Variants in LCP2 observed in about 807,000 individuals in gnomAD.
LCP2 encodes the protein 76 kDa tyrosine phosphoprotein.
In LCP2, 29 loss-of-function variants were observed where a neutral mutation model predicts 74.5. That is an observed-to-expected ratio of 0.39 (90% CI 0.29 to 0.53). The LOEUF is 0.53. LCP2 is among the 20% of genes least tolerant of loss of function. The pLI, the probability that LCP2 is intolerant of heterozygous loss-of-function variation, is 0.72. For synonymous variants in LCP2, 228 were observed against 229.5 expected (o/e 0.99, Z 0.06); for missense variants, 604 against 634.6 (o/e 0.95, Z 0.52).
At chr5:170,292,023 A>G (rs1022750099) in intron 2 of LCP2, among the ~76,000 whole-genome samples, 1 of 152,208 alleles carries the variant, frequency 6.6e-6, no homozygotes, top group African/African-American at 2.4e-5. Flanking sequence ...AACAAATCAC[A>G]TCACAGCTCT....
At chr5:170,277,296 G>C (rs1328837228) in intron 3 of LCP2, among the ~76,000 whole-genome samples, 1 of 152,084 alleles carries the variant, frequency 6.6e-6, no homozygotes, top group African/African-American at 2.4e-5. Flanking sequence ...TATGAGAACG[G>C]CTCATGATCT....
Position 170,275,792 on chromosome 5 carries a change from C to T in LCP2, c.254+3G>A, listed in dbSNP as rs1219216631. 1 of 1,577,000 alleles carries T rather than the reference C, an allele frequency of 6.3e-7. No homozygotes were observed. Among genetic ancestry groups the T allele is most frequent in the Non-Finnish European group, 8.6e-7 (1 of 1,158,884 alleles). ...TGCGTTTCCTTACACCAGCCGCACT[C>T]ACTTGCGTGTGAAGATGCTCCTCCT... On this transcript the variant is annotated splice_donor_region_variant and intron_variant, in intron 4 of 20. Coordinates refer to ENST00000046794, the MANE Select transcript of LCP2 (RefSeq NM_005565.5).
intron 3 of LCP2, among the ~76,000 whole-genome samples, chr5:170,282,463 C>T (rs1255038352): frequency 6.6e-6 from 1 of 152,186 alleles, no homozygotes; most frequent in Non-Finnish European, 1.5e-5. Flanking sequence ...GAAGCTGAGG[C>T]TCTGATTGCC....
chr5:170,265,617 C>T (rs904401202), intron 10 of LCP2, among the ~76,000 whole-genome samples: 4 of 152,148 alleles, frequency 2.6e-5, no homozygotes, highest in African/African-American at 4.8e-5. Context: ...ATACAGCTCT[C>T]TACAGCAGAC....
chr5:170,271,547 T>A (rs561470027), intron 6 of LCP2, among the ~76,000 whole-genome samples: 37 of 152,326 alleles, frequency 2.4e-4, no homozygotes, highest in African/African-American at 7.7e-4. Flanking sequence ...GAAGCTGTTC[T>A]CTTGGAAAGA....
At chr5:170,257,229 C>T (rs1455163461) in intron 16 of LCP2, among the ~76,000 whole-genome samples, 1 of 152,124 alleles carries the variant, frequency 6.6e-6, no homozygotes, top group Admixed American at 6.5e-5. Context: ...GGGGTTGGGG[C>T]TAGCATGGAG....
chr5:170,267,117 C>T (rs1455705596), intron 8 of LCP2, 42 bp from the exon 9 acceptor site: 1 of 1,599,932 alleles, frequency 6.3e-7, no homozygotes, highest in African/African-American at 1.3e-5. Flanking sequence ...TCCAATACAT[C>T]AGCAAGAGCC....
At chr5:170,270,640 G>T in intron 7 of LCP2, 79 bp downstream of exon 7, 1 of 1,301,370 alleles carries the variant, frequency 7.7e-7, no homozygotes, top group Non-Finnish European at 1.0e-6. Flanking sequence ...GGGCAAGCTG[G>T]GGCATCAGCC....
intron 8 of LCP2, 102 bp from the exon 9 acceptor site, chr5:170,267,177 T>C: frequency 8.6e-7 from 1 of 1,164,460 alleles, no homozygotes. Context: ...CATCTTCATG[T>C]TCTGCCTACA....
rs1561963572 is a variant in LCP2 at position 170,247,866 on chromosome 5, G to C, written c.*831C>G. 1 of 152,288 alleles carries C rather than the reference G, an allele frequency of 6.6e-6. No individual in the cohort carries two copies. The highest frequency in any genetic ancestry group is 1.5e-5 in the Non-Finnish European group (1 of 68,064). The allele number at this position is 152,288 out of a possible 1,614,324, so 9.4% of individuals were successfully genotyped here. On this transcript the variant is annotated 3_prime_UTR_variant, in exon 21 of 21. Coordinates refer to ENST00000046794, the MANE Select transcript of LCP2 (RefSeq NM_005565.5). ...ATGCTTTTGGGGTTGGGAGAAGGTTGGTGGGGGGCTGTGATGGTTGGTGTG... is the reference window on the plus strand; with the variant it reads ...ATGCTTTTGGGGTTGGGAGAAGGTTCGTGGGGGGCTGTGATGGTTGGTGTG...
chr5:170,268,479 C>A lies in LCP2; in HGVS notation c.527G>T (p.Arg176Leu). The change falls in exon 8 of 21, where the codon CGG becomes CTG. Residue 176 changes from arginine to leucine, a missense_variant. Coordinates refer to ENST00000046794, the MANE Select transcript of LCP2 (RefSeq NM_005565.5). ...CTGGGGGGTTTTCCCAGAGGGGGGC[C>A]GGTCTGTGGAAACACAAGGTTATTA... ...FPNSNSMYID[R>L]PPSGKTPQQP... 1 of 278,194 alleles carries A rather than the reference C, an allele frequency of 3.6e-6. No individual in the cohort carries two copies. The allele number at this position is 278,194 out of a possible 1,614,324, so 17.2% of individuals were successfully genotyped here.
At chr5:170,257,995 A>G (rs762286564) in intron 16 of LCP2, 42 bp downstream of exon 16, 39 of 1,603,848 alleles carry the variant, frequency 2.4e-5, no homozygotes, top group Non-Finnish European at 3.0e-5. Flanking sequence ...GGATGGACCT[A>G]AACATTATAT....
Position 170,264,978 on chromosome 5 carries a change from CTTTTTTTTTTT to C in LCP2, c.772+1819_772+1829del, listed in dbSNP as rs58508083. Among the ~76,000 whole-genome samples the C allele has an allele frequency of 4.1e-3, 444 of 108,992 alleles. 6 individuals carry two copies. The highest frequency in any genetic ancestry group is 8.5e-3 in the African/African-American group (208 of 24,386). The allele number at this position is 108,992 out of a possible 152,430, so 71.5% of individuals were successfully genotyped here. On this transcript the variant is annotated intron_variant, in intron 10 of 20. Coordinates refer to ENST00000046794, the MANE Select transcript of LCP2 (RefSeq NM_005565.5). ...CCTGAATAAGTATTTCAAAATTTGCCTTTTTTTTTTTTTTTTTTTTTTTTTTTGAGACAGAG... is the reference window on the plus strand; with the variant it reads ...CCTGAATAAGTATTTCAAAATTTGCCTTTTTTTTTTTTTTTTGAGACAGAG...
rs576491831 is a variant in LCP2 at position 170,287,963 on chromosome 5, T to C, written c.188+7A>G. 3 of 1,613,318 alleles carry C rather than the reference T, an allele frequency of 1.9e-6. No homozygotes were observed. The highest frequency in any genetic ancestry group is 4.5e-5 in the East Asian group (2 of 44,868). On this transcript the variant is annotated splice_region_variant and intron_variant, in intron 3 of 20. Transcript: ENST00000046794. ...CAGATCACCCATAGAGTTGGAGGAG[T>C]ACTTACGGCACCCGGAGCTTGGGGA...
At chr5:170,288,823 C>A (rs1009416401) in intron 2 of LCP2, among the ~76,000 whole-genome samples, 1 of 152,132 alleles carries the variant, frequency 6.6e-6, no homozygotes, top group Non-Finnish European at 1.5e-5. Flanking sequence ...ATCCTTTTGA[C>A]GGCCCCTGTG....
intron 15 of LCP2, chr5:170,258,504 A>G (rs756013601): frequency 5.7e-6 from 2 of 348,224 alleles, no homozygotes; most frequent in African/African-American, 2.1e-5. Flanking sequence ...GTTTTGTTTT[A>G]TGAAAGTCAA....
intron 6 of LCP2, among the ~76,000 whole-genome samples, chr5:170,272,607 T>C (rs1338991262): frequency 9.9e-6 from 1 of 100,928 alleles, no homozygotes; most frequent in Non-Finnish European, 1.8e-5. Flanking sequence ...CTTTTTTTTT[T>C]TTTTTTTTTT....
At position 170,247,498 on chromosome 5, in the gene LCP2, G is replaced by A. The variant is rs1435918087; in HGVS notation, c.*1199C>T. On this transcript the variant is annotated 3_prime_UTR_variant, in exon 21 of 21. Coordinates refer to ENST00000046794, the MANE Select transcript of LCP2 (RefSeq NM_005565.5). ...TTAAGCAGAGACGCCAAAAATTGTT[G>A]CTAATAAAAGTTGTGCAATAACAAC... The A allele has an allele frequency of 6.6e-6, 1 of 152,156 alleles. No homozygotes were observed. The highest frequency in any genetic ancestry group is 2.4e-5 in the African/African-American group (1 of 41,434). The allele number at this position is 152,156 out of a possible 1,614,324, so 9.4% of individuals were successfully genotyped here.
At chr5:170,284,753 CTTT>C (rs35520354) in intron 3 of LCP2, among the ~76,000 whole-genome samples, 6 of 137,856 alleles carry the variant, frequency 4.4e-5, no homozygotes, top group Admixed American at 1.4e-4. Context: ...TTCCTTGATG[CTTT>C]TTTTTTTTTT....
Sources: allele counts gnomAD v4.1 joint callset (sites outside exome capture counted in the v4.1 genomes callset), GRCh38; gene constraint gnomAD v4.1.1; transcripts MANE v1.5; gene names NCBI Gene and HGNC (gene_info 2026-07-23, HGNC 2026-07-21).